The following SCP2 variants were observed in gnomAD, a reference collection of about 807,000 sequenced individuals.
SCP2 encodes the protein SCP-2/3-oxoacyl-CoA thiolase.
Under a neutral mutation model 71.4 loss-of-function variants are expected in SCP2, and 48 were observed. That is an observed-to-expected ratio of 0.67 (90% CI 0.53 to 0.86). SCP2 has a LOEUF of 0.86. Ranked by LOEUF, SCP2 falls within the 40% of genes least tolerant of loss-of-function variation. SCP2 has a pLI of 0.00. For missense variants in SCP2, 560 were observed against 655.6 expected, an observed-to-expected ratio of 0.85 and a Z score of 1.59; for synonymous variants, 220 against 218.1, an observed-to-expected ratio of 1.01 and a Z score of -0.08.
At chr1:53,007,611 G>C (rs1214667273) in intron 11 of SCP2, among the ~76,000 whole-genome samples, 1 of 152,114 alleles carries the variant, frequency 6.6e-6, no homozygotes, top group Non-Finnish European at 1.5e-5. Context: ...CAGAATCTCT[G>C]GGAAACATTT....
At chr1:53,044,060 A>G (rs1029739588) in intron 14 of SCP2, among the ~76,000 whole-genome samples, 1 of 150,128 alleles carries the variant, frequency 6.7e-6, no homozygotes, top group African/African-American at 2.4e-5. Flanking sequence ...AGTTTATTCC[A>G]TCTCTTTTTT....
intron 10 of SCP2, among the ~76,000 whole-genome samples, chr1:52,987,232 G>A (rs1659083167): frequency 6.6e-6 from 1 of 151,912 alleles, no homozygotes; most frequent in East Asian, 1.9e-4. Context: ...TTTTTGATTT[G>A]TGGATGGTTG....
chr1:52,964,527 T>C (rs928261365), intron 6 of SCP2, among the ~76,000 whole-genome samples: 6 of 152,076 alleles, frequency 3.9e-5, no homozygotes, highest in Non-Finnish European at 8.8e-5. Context: ...AAAGATGATA[T>C]GCTTCATTTT....
chr1:53,048,918 G>GT (rs1664019607), intron 15 of SCP2: 1 of 152,152 alleles, frequency 6.6e-6, no homozygotes, highest in African/African-American at 2.4e-5. Flanking sequence ...AGTCTGGTTT[G>GT]TTTTAGGTTT....
At chr1:53,012,328 T>C (rs1054593872) in intron 11 of SCP2, among the ~76,000 whole-genome samples, 11 of 152,238 alleles carry the variant, frequency 7.2e-5, no homozygotes, top group African/African-American at 2.7e-4. Flanking sequence ...TCCAATCATA[T>C]TTCTATAGGG....
chr1:53,015,197 C>T lies in SCP2; in HGVS notation c.1235+154C>T, dbSNP rs111837528. ...TTTAAGAACATGGCTTTAAAAGTGG[C>T]CATCAGGTTTTAAATTTAACCAACT... On this transcript the variant is annotated intron_variant, in intron 12 of 15. Transcript: ENST00000371514. 6.2e-3 allele frequency among the ~76,000 whole-genome samples: 949 copies of T among 152,212 alleles called. 16 individuals carry two copies. The highest frequency in any genetic ancestry group is 0.022 in the African/African-American group (912 of 41,516).
chr1:53,047,776 C>T (rs1255242400), intron 14 of SCP2, 82 bp from the exon 15 acceptor site: 3 of 907,776 alleles, frequency 3.3e-6, no homozygotes, highest in Non-Finnish European at 3.7e-6. Context: ...AATTCTGTTG[C>T]AGTCAGTGGC....
chr1:52,975,937 T>G (rs1473959564), intron 7 of SCP2, among the ~76,000 whole-genome samples: 1 of 152,166 alleles, frequency 6.6e-6, no homozygotes, highest in East Asian at 1.9e-4. Flanking sequence ...TTTGACCAAC[T>G]GACCACAAAT....
At position 52,934,495 on chromosome 1, in the gene SCP2, A is replaced by G. The variant is rs386438953; in HGVS notation, c.69+7030A>G. 8.6e-5 allele frequency among the ~76,000 whole-genome samples: 13 copies of G among 150,698 alleles called. No individual in the cohort carries two copies. The East Asian group carries it at 2.4e-3, about 27-fold the overall frequency. On this transcript the variant is annotated intron_variant, in intron 1 of 15. Coordinates refer to ENST00000371514, the MANE Select transcript of SCP2 (RefSeq NM_002979.5). ...ATCCACTCATTTATGGATCCATTGAATGGATCAGTAAGAGATCCATTCAAA... is the reference window on the plus strand; with the variant it reads ...ATCCACTCATTTATGGATCCATTGAGTGGATCAGTAAGAGATCCATTCAAA...
intron 5 of SCP2, among the ~76,000 whole-genome samples, chr1:52,956,567 T>C (rs1413496413): frequency 6.6e-6 from 1 of 152,132 alleles, no homozygotes; most frequent in African/African-American, 2.4e-5. Context: ...AAAGATAATT[T>C]AGGAGTGGGT....
chr1:52,987,601 C>T (rs182630311), intron 10 of SCP2, among the ~76,000 whole-genome samples: 8 of 152,114 alleles, frequency 5.3e-5, no homozygotes, highest in Admixed American at 2.6e-4. Flanking sequence ...ATGAAAGTGC[C>T]TTTTTTCTCC....
At chr1:52,956,310 A>AG (rs1655789872) in intron 5 of SCP2, among the ~76,000 whole-genome samples, 2 of 152,236 alleles carry the variant, frequency 1.3e-5, no homozygotes, top group African/African-American at 4.8e-5. Flanking sequence ...TTCAAAAAAA[A>AG]GAAAATGAGT....
At position 52,927,475 on chromosome 1, in the gene SCP2, G is replaced by A. The variant is rs779585406; in HGVS notation, c.69+10G>A. On this transcript the variant is annotated intron_variant, in intron 1 of 15. Coordinates refer to ENST00000371514, the MANE Select transcript of SCP2 (RefSeq NM_002979.5). ...GGTTGGCATGACCAAGGTAAACCGA[G>A]CAGCGGCCCTGCTGGCCCTCTGAGG... 3.1e-5 allele frequency: 50 copies of A among 1,590,994 alleles called. No homozygotes were observed. The highest frequency in any genetic ancestry group is 4.1e-5 in the Non-Finnish European group (48 of 1,168,834).
chr1:53,028,534 AT>A (rs1429228956), intron 13 of SCP2, among the ~76,000 whole-genome samples: 4 of 151,776 alleles, frequency 2.6e-5, no homozygotes, highest in African/African-American at 7.3e-5. Flanking sequence ...TAGTTAAAAA[AT>A]TTTTTTGTTT....
At chr1:53,043,130 A>G (rs1663549611) in intron 14 of SCP2, among the ~76,000 whole-genome samples, 1 of 152,228 alleles carries the variant, frequency 6.6e-6, no homozygotes. Context: ...GAGCATAGCC[A>G]AAAGAAACAG....
chr1:52,979,788 C>T (rs1179769891), intron 9 of SCP2, among the ~76,000 whole-genome samples: 1 of 152,006 alleles, frequency 6.6e-6, no homozygotes, highest in Non-Finnish European at 1.5e-5. Context: ...TTTAAAAATT[C>T]TGTCATTTTT....
chr1:52,961,100 T>C (rs1385023816), intron 5 of SCP2, among the ~76,000 whole-genome samples: 2 of 148,614 alleles, frequency 1.3e-5, no homozygotes, highest in Non-Finnish European at 3.0e-5. Flanking sequence ...AATTATACTT[T>C]AAGTTCTAGG....
At chr1:52,959,124 T>G (rs1256935770) in intron 5 of SCP2, among the ~76,000 whole-genome samples, 1 of 152,180 alleles carries the variant, frequency 6.6e-6, no homozygotes, top group East Asian at 1.9e-4. Flanking sequence ...TTGGTATTTT[T>G]TTCTCTTAAA....
chr1:52,951,958 A>G (rs1655358319), intron 4 of SCP2, among the ~76,000 whole-genome samples: 1 of 152,080 alleles, frequency 6.6e-6, no homozygotes, highest in African/African-American at 2.4e-5. Flanking sequence ...ACCTCAAGTG[A>G]TGTGCTCACC....
Sources: gnomAD v4.1 joint callset for allele counts (sites outside exome capture counted in the v4.1 genomes callset) on GRCh38, gnomAD v4.1.1 for gene constraint, MANE v1.5 for transcripts, NCBI Gene and HGNC (gene_info 2026-07-23, HGNC 2026-07-21) for gene names.